The following KCNQ1OT1 variants were observed in gnomAD, a reference collection of about 807,000 sequenced individuals.
KCNQ1OT1 encodes KCNQ1 opposite strand/antisense transcript 1.
At chr11:2,615,549 C>T (rs761007889) in exon 1 of KCNQ1OT1, 18 of 397,638 alleles carry the variant, frequency 4.5e-5, no homozygotes, top group Non-Finnish European at 7.1e-5. Context: ...TTCACAAATC[C>T]TCTTTAACAC....
At chr11:2,641,933 G>C (rs1359342505) in exon 1 of KCNQ1OT1, 4 of 398,324 alleles carry the variant, frequency 1.0e-5, no homozygotes, top group African/African-American at 6.2e-5. Context: ...TCAAAAATCA[G>C]TTGGCTGTAA....
In KCNQ1OT1 at chr11:2,664,412, G is replaced by A. The variant is rs536860999; in HGVS notation, n.35583C>T. ...GAGGCCTGAAGGGGAGAGTGGGCAC[G>A]TACAGTGTCAGGGCCTAGGAACCCA... On this transcript the variant is annotated non_coding_transcript_exon_variant, in exon 1 of 1. Transcript: ENST00000597346. This position sits in a 1 kb window ranked among gnomAD's most constrained non-coding sequence, Gnocchi z 5.1. 35 of 398,692 alleles carry A rather than the reference G, an allele frequency of 8.8e-5. 1 individual carries two copies. The South Asian group carries it at 2.2e-3, about 25-fold the overall frequency. 24.7% of individuals were successfully genotyped at this position (398,692 alleles called of 1,614,324 possible).
rs1487728793 is a variant in KCNQ1OT1 at position 2,623,859 on chromosome 11, T to G, written n.76136A>C. On this transcript the variant is annotated non_coding_transcript_exon_variant, in exon 1 of 1. Coordinates refer to ENST00000597346, the Ensembl canonical transcript of KCNQ1OT1. This position sits in a 1 kb window ranked among gnomAD's most constrained non-coding sequence, Gnocchi z 5.2. ...AGAAACCACTGATTTCGATATACTCTGGATTCTTCGGGGGATATGTATACA... is the reference window on the plus strand; with the variant it reads ...AGAAACCACTGATTTCGATATACTCGGGATTCTTCGGGGGATATGTATACA... 2.5e-6 allele frequency: 1 copy of G among 398,514 alleles called. No individual in the cohort carries two copies. Among genetic ancestry groups the G allele is most frequent in the Admixed American group, 4.4e-5 (1 of 22,724 alleles). 24.7% of individuals were successfully genotyped at this position (398,514 alleles called of 1,614,324 possible). A position where few individuals can be genotyped will look rare whatever the true frequency, so the allele number is the denominator to read the frequency against.
At position 2,612,570 on chromosome 11, in the gene KCNQ1OT1, C is replaced by T. The variant is rs915556172; in HGVS notation, n.87425G>A. ...TCACCTAAGTTATTATATTTCACAA[C>T]TACAGAATTTCTATTTGGTTTCTAA... On this transcript the variant is annotated non_coding_transcript_exon_variant, in exon 1 of 1. Transcript: ENST00000597346. The surrounding 1 kb of genome is among the most constrained non-coding windows in gnomAD (Gnocchi z 5.5). The T allele has an allele frequency of 7.5e-6, 3 of 398,456 alleles. No individual in the cohort carries two copies. The highest frequency in any genetic ancestry group is 8.8e-5 in the Admixed American group (2 of 22,714). 24.7% of individuals were successfully genotyped at this position (398,456 alleles called of 1,614,324 possible).
chr11:2,669,732 TG>T lies in KCNQ1OT1; in HGVS notation n.30262del. 1 of 398,668 alleles carries T rather than the reference TG, an allele frequency of 2.5e-6. No individual in the cohort carries two copies. The highest frequency in any genetic ancestry group is 4.4e-5 in the Admixed American group (1 of 22,738). The allele number at this position is 398,668 out of a possible 1,614,324, so 24.7% of individuals were successfully genotyped here. ...CACATACCTGACTCGGGGAAATGCC[TG>T]AAAATATTAGCCAGCATAGAATGTC... is the stretch of plus-strand genomic sequence containing the variant. On this transcript the variant is annotated non_coding_transcript_exon_variant, in exon 1 of 1. Transcript: ENST00000597346. This position sits in a 1 kb window ranked among gnomAD's most constrained non-coding sequence, Gnocchi z 5.6.
Position 2,669,897 on chromosome 11 carries a change from C to T in KCNQ1OT1, n.30098G>A, listed in dbSNP as rs1466887545. 5.0e-6 allele frequency: 2 copies of T among 398,572 alleles called. No individual in the cohort carries two copies. Among genetic ancestry groups the T allele is most frequent in the Non-Finnish European group, 8.8e-6 (2 of 226,062 alleles). The allele number at this position is 398,572 out of a possible 1,614,324, so 24.7% of individuals were successfully genotyped here. ...AGCTGCTGTCCTTAATAAGATGTGC[C>T]TAGAGGCCTGAGAGTCCCAAGCTCC... On this transcript the variant is annotated non_coding_transcript_exon_variant, in exon 1 of 1. Coordinates refer to ENST00000597346, the Ensembl canonical transcript of KCNQ1OT1. This position sits in a 1 kb window ranked among gnomAD's most constrained non-coding sequence, Gnocchi z 5.6.
rs1376890642 is a variant in KCNQ1OT1, at chr11:2,661,067, C to T, written n.38928G>A. On this transcript the variant is annotated non_coding_transcript_exon_variant, in exon 1 of 1. Transcript: ENST00000597346. The surrounding 1 kb of genome is among the most constrained non-coding windows in gnomAD (Gnocchi z 5.9). ...TGTTACAGAGTGACAGGAACAGAGT[C>T]ACAGTGACATCCCATGTGCATAAAA... The T allele has an allele frequency of 5.0e-6, 2 of 398,228 alleles. No homozygotes were observed. Among genetic ancestry groups the T allele is most frequent in the Non-Finnish European group, 8.8e-6 (2 of 226,032 alleles). The allele number at this position is 398,228 out of a possible 1,614,324, so 24.7% of individuals were successfully genotyped here.
chr11:2,646,847 C>T, exon 1 of KCNQ1OT1: 1 of 398,612 alleles, frequency 2.5e-6, no homozygotes, highest in Non-Finnish European at 4.4e-6. Context: ...TTTTTTTATC[C>T]TGCAACTTTA....
exon 1 of KCNQ1OT1, chr11:2,660,771 G>A (rs1849939718): frequency 2.5e-6 from 1 of 398,502 alleles, no homozygotes; most frequent in Non-Finnish European, 4.4e-6. Flanking sequence ...AGCCTGAATT[G>A]CTACAACTTC....
chr11:2,687,796 C>A lies in KCNQ1OT1; in HGVS notation n.12199G>T, dbSNP rs993894856. The A allele has an allele frequency of 5.0e-6, 2 of 398,576 alleles. No individual in the cohort carries two copies. The highest frequency in any genetic ancestry group is 8.8e-6 in the Non-Finnish European group (2 of 226,180). The allele number at this position is 398,576 out of a possible 1,614,324, so 24.7% of individuals were successfully genotyped here. A position where few individuals can be genotyped will look rare whatever the true frequency, so the allele number is the denominator to read the frequency against. On this transcript the variant is annotated non_coding_transcript_exon_variant, in exon 1 of 1. Transcript: ENST00000597346. The surrounding 1 kb of genome is among the most constrained non-coding windows in gnomAD (Gnocchi z 5.0). ...GGCCTAACCACACCCCTAAGCCACC[C>A]AGCCTGGCCCCCCTCCTCTGCCCCA...
exon 1 of KCNQ1OT1, chr11:2,638,109 T>G (rs1048848515): frequency 5.3e-5 from 8 of 152,222 alleles, no homozygotes; most frequent in African/African-American, 1.7e-4. Flanking sequence ...TACAGCACAC[T>G]GATGGGTCTT....
At chr11:2,641,872 C>G (rs1421989042) in exon 1 of KCNQ1OT1, 2 of 398,298 alleles carry the variant, frequency 5.0e-6, no homozygotes, top group Non-Finnish European at 8.9e-6. Context: ...TTCCCAGCTC[C>G]ATTAAGTGAA....
chr11:2,662,602 G>A (rs942225824), exon 1 of KCNQ1OT1: 24 of 417,306 alleles, frequency 5.8e-5, no homozygotes, highest in African/African-American at 1.2e-4. Flanking sequence ...CTCCCCCGCC[G>A]TCACGGCATG....
At chr11:2,614,084 G>T in exon 1 of KCNQ1OT1, 1 of 398,494 alleles carries the variant, frequency 2.5e-6, no homozygotes, top group South Asian at 1.3e-4. Flanking sequence ...ATGTGTAGGT[G>T]GTTTCTAGAT....
In KCNQ1OT1 at chr11:2,669,156, A is replaced by G; in HGVS notation, n.30839T>C. 5.0e-6 allele frequency: 2 copies of G among 398,618 alleles called. No homozygotes were observed. The highest frequency in any genetic ancestry group is 8.8e-6 in the Non-Finnish European group (2 of 226,090). 24.7% of individuals were successfully genotyped at this position (398,618 alleles called of 1,614,324 possible). ...TATTGGGTGCCACTGGTCAGATTCA[A>G]GTTGTTCTTTGTGGCCAGGACCTTG... On this transcript the variant is annotated non_coding_transcript_exon_variant, in exon 1 of 1. Transcript: ENST00000597346. The surrounding 1 kb of genome is among the most constrained non-coding windows in gnomAD (Gnocchi z 5.6).
exon 1 of KCNQ1OT1, chr11:2,610,517 C>G: frequency 2.5e-6 from 1 of 398,316 alleles, no homozygotes; most frequent in Non-Finnish European, 4.4e-6. Flanking sequence ...CAGCTTTGCT[C>G]CTATTTACCT....
chr11:2,688,026 G>C (rs920073889), exon 1 of KCNQ1OT1: 4 of 398,584 alleles, frequency 1.0e-5, no homozygotes, highest in African/African-American at 8.2e-5. Context: ...CTCTAGGCTT[G>C]GGCAGGCACA....
chr11:2,655,964 C>T, exon 1 of KCNQ1OT1: 2 of 398,722 alleles, frequency 5.0e-6, no homozygotes, highest in Non-Finnish European at 4.4e-6. Flanking sequence ...GCAGGTCCCA[C>T]CCACTCTGGG....
In KCNQ1OT1 at chr11:2,673,054, C is replaced by A. The variant is rs1417602027; in HGVS notation, n.26941G>T. The A allele has an allele frequency of 2.5e-6, 1 of 398,700 alleles. No individual in the cohort carries two copies. The highest frequency in any genetic ancestry group is 4.4e-5 in the Admixed American group (1 of 22,722). The allele number at this position is 398,700 out of a possible 1,614,324, so 24.7% of individuals were successfully genotyped here. ...AGGGTCTAGGGCTGGCCAAAAGGGACAGTGAAGTTGGCTTCTCAGGCCACA... is the reference window on the plus strand; with the variant it reads ...AGGGTCTAGGGCTGGCCAAAAGGGAAAGTGAAGTTGGCTTCTCAGGCCACA... On this transcript the variant is annotated non_coding_transcript_exon_variant, in exon 1 of 1. Coordinates refer to ENST00000597346, the Ensembl canonical transcript of KCNQ1OT1. The surrounding 1 kb of genome is among the most constrained non-coding windows in gnomAD (Gnocchi z 4.5).
Sources: gnomAD v4.1 joint callset for allele counts on GRCh38, gnomAD v4.1.1 for gene constraint, Gnocchi (gnomAD v3.1) non-coding constraint, MANE v1.5 for transcripts, NCBI Gene and HGNC (gene_info 2026-07-23, HGNC 2026-07-21) for gene names.